The following LRRC4C variants were observed in gnomAD, a reference collection of about 807,000 sequenced individuals.
The protein encoded by LRRC4C is leucine-rich repeat-containing protein 4C.
In LRRC4C, 5 loss-of-function variants were observed where a neutral mutation model predicts 33.6. The ratio of observed to expected loss-of-function variants is 0.15; its 90% CI spans 0.08 to 0.31. The LOEUF is 0.31. Among genes scored for constraint, LRRC4C ranks in the 10% least tolerant of loss-of-function variants. LRRC4C has a pLI of 1.00. For synonymous variants in LRRC4C, 329 were observed against 302.0 expected (o/e 1.09, Z -0.93); for missense variants, 560 against 796.7 (o/e 0.70, Z 3.58).
At chr11:40,235,036 A>G (rs1451809217) in intron 5 of LRRC4C, among the ~76,000 whole-genome samples, 1 of 152,162 alleles carries the variant, frequency 6.6e-6, no homozygotes, top group Non-Finnish European at 1.5e-5. Flanking sequence ...GTTTCCAATT[A>G]CCCTGATTGC....
At chr11:41,164,642 C>T (rs1327202037) in intron 1 of LRRC4C, among the ~76,000 whole-genome samples, 1 of 152,114 alleles carries the variant, frequency 6.6e-6, no homozygotes, top group Non-Finnish European at 1.5e-5. Context: ...ATTAGGACAG[C>T]TATGAGGTCA....
intron 3 of LRRC4C, among the ~76,000 whole-genome samples, chr11:40,357,611 T>C (rs1342867517): frequency 1.3e-5 from 2 of 152,012 alleles, no homozygotes; most frequent in Admixed American, 1.3e-4. Flanking sequence ...AAAACTCCAT[T>C]ACCCAGCAAA....
chr11:40,699,988 T>G (rs1268580713), intron 2 of LRRC4C, among the ~76,000 whole-genome samples: 1 of 152,196 alleles, frequency 6.6e-6, no homozygotes, highest in African/African-American at 2.4e-5. Context: ...GTTATAATGC[T>G]TTAAAATTCA....
At chr11:40,124,592 A>G (rs1856066221) in intron 6 of LRRC4C, among the ~76,000 whole-genome samples, 1 of 152,210 alleles carries the variant, frequency 6.6e-6, no homozygotes, top group Non-Finnish European at 1.5e-5. Context: ...CTTATCTGTG[A>G]GAGCTAAAAA....
intron 2 of LRRC4C, among the ~76,000 whole-genome samples, chr11:40,654,481 T>G (rs1255665295): frequency 6.6e-6 from 1 of 152,196 alleles, no homozygotes; most frequent in Non-Finnish European, 1.5e-5. Context: ...CTGTTGGATT[T>G]TGGACTTGCA....
At chr11:40,592,185 A>G (rs1056900586) in intron 3 of LRRC4C, among the ~76,000 whole-genome samples, 5 of 152,230 alleles carry the variant, frequency 3.3e-5, no homozygotes, top group Non-Finnish European at 5.9e-5. Context: ...TTAACAGTAA[A>G]TGGCAAAAGT....
chr11:41,286,871 C>T (rs1949846259), intron 1 of LRRC4C, among the ~76,000 whole-genome samples: 1 of 151,990 alleles, frequency 6.6e-6, no homozygotes, highest in South Asian at 2.1e-4. Context: ...TATGACCTTA[C>T]AATTTAGGAA....
chr11:40,923,418 G>T (rs748186011), intron 2 of LRRC4C, among the ~76,000 whole-genome samples: 1 of 152,158 alleles, frequency 6.6e-6, no homozygotes, highest in Non-Finnish European at 1.5e-5. Context: ...ATGTGGCAGT[G>T]TATATTGCTT....
intron 6 of LRRC4C, among the ~76,000 whole-genome samples, chr11:40,137,884 T>A (rs1198625541): frequency 6.6e-6 from 1 of 152,196 alleles, no homozygotes; most frequent in East Asian, 1.9e-4. Context: ...TTTTTAAACT[T>A]TGAATTCATA....
At chr11:40,418,465 T>G (rs1477386360) in intron 3 of LRRC4C, among the ~76,000 whole-genome samples, 1 of 152,200 alleles carries the variant, frequency 6.6e-6, no homozygotes, top group African/African-American at 2.4e-5. Flanking sequence ...AAACAATAGA[T>G]GCTGGCTAGG....
chr11:40,383,020 C>T (rs1270984391), intron 3 of LRRC4C, among the ~76,000 whole-genome samples: 1 of 152,058 alleles, frequency 6.6e-6, no homozygotes, highest in East Asian at 1.9e-4. Context: ...CTAATACCTC[C>T]CATTTCTCTC....
At chr11:40,415,041 C>A (rs1298342808) in intron 3 of LRRC4C, among the ~76,000 whole-genome samples, 1 of 152,172 alleles carries the variant, frequency 6.6e-6, no homozygotes, top group Non-Finnish European at 1.5e-5. Flanking sequence ...TCCTAGTCTG[C>A]CCAGCCATGT....
intron 1 of LRRC4C, among the ~76,000 whole-genome samples, chr11:41,312,797 A>G (rs1240480035): frequency 6.6e-6 from 1 of 152,210 alleles, no homozygotes; most frequent in East Asian, 1.9e-4. Context: ...CAAAGAAGGG[A>G]AAACGCCTGG....
chr11:40,501,413 C>A (rs1182517212), intron 3 of LRRC4C, among the ~76,000 whole-genome samples: 3 of 152,188 alleles, frequency 2.0e-5, no homozygotes, highest in Non-Finnish European at 4.4e-5. Context: ...CAGAGGTTCG[C>A]CATGAGTGCC....
intron 3 of LRRC4C, among the ~76,000 whole-genome samples, chr11:40,369,631 C>T (rs974963284): frequency 3.9e-5 from 6 of 152,232 alleles, no homozygotes; most frequent in African/African-American, 1.4e-4. Context: ...AGCCAACACA[C>T]CCAGCCATTC....
intron 2 of LRRC4C, among the ~76,000 whole-genome samples, chr11:40,702,031 C>A (rs1338401125): frequency 6.6e-6 from 1 of 151,696 alleles, no homozygotes; most frequent in African/African-American, 2.4e-5. Context: ...AAATTTATTC[C>A]ATTTCAATAG....
At chr11:41,339,748 C>T (rs1395062574) in intron 1 of LRRC4C, among the ~76,000 whole-genome samples, 1 of 152,136 alleles carries the variant, frequency 6.6e-6, no homozygotes, top group Non-Finnish European at 1.5e-5. Context: ...GTTATATAGG[C>T]TATTTTACCA....
intron 3 of LRRC4C, among the ~76,000 whole-genome samples, chr11:40,472,688 G>A (rs574525768): frequency 6.6e-6 from 1 of 151,716 alleles, no homozygotes; most frequent in South Asian, 2.1e-4. Flanking sequence ...TTTTTGAAAA[G>A]ATTAACAAAA....
chr11:41,442,467 T>TTTTTTC (rs1955657553), intron 1 of LRRC4C, among the ~76,000 whole-genome samples: 1 of 76,274 alleles, frequency 1.3e-5, no homozygotes, highest in African/African-American at 5.5e-5. Flanking sequence ...TCTTTTTTTT[T>TTTTTTC]TTTTTTTTTT....
Sources: gnomAD v4.1 joint callset for allele counts (sites outside exome capture counted in the v4.1 genomes callset) on GRCh38, gnomAD v4.1.1 for gene constraint, MANE v1.5 for transcripts, NCBI Gene and HGNC (gene_info 2026-07-23, HGNC 2026-07-21) for gene names.